CSMD1: variants seen among roughly 807,000 people sequenced by gnomAD.
CSMD1 encodes the protein CUB and Sushi multiple domains 1.
In CSMD1, 213 loss-of-function variants were observed where a neutral mutation model predicts 417.5. That is an observed-to-expected ratio of 0.51 (90% CI 0.46 to 0.57). The LOEUF (loss-of-function observed/expected upper bound fraction) is 0.57, where lower values mean the gene tolerates loss of function less well. CSMD1 is among the 20% of genes least tolerant of loss of function. The pLI, the probability that CSMD1 is intolerant of heterozygous loss-of-function variation, is 0.00. For missense variants in CSMD1, 6,923 were observed against 4,529.7 expected (o/e 1.53, Z -15.17); for synonymous variants, 2,862 against 1,736.8 (o/e 1.65, Z -16.11).
At chr8:4,178,563 G>A (rs1168008489) in intron 3 of CSMD1, among the ~76,000 whole-genome samples, 1 of 151,150 alleles carries the variant, frequency 6.6e-6, no homozygotes, top group South Asian at 2.1e-4. Context: ...TCAACATAGT[G>A]TTGGAAGTTC....
intron 3 of CSMD1, among the ~76,000 whole-genome samples, chr8:4,069,629 T>A (rs1799440993): frequency 6.6e-6 from 1 of 152,154 alleles, no homozygotes; most frequent in Admixed American, 6.5e-5. Context: ...TGTATTCCCC[T>A]CAAGCCTCTG....
At chr8:3,553,060 G>C (rs920858090) in intron 10 of CSMD1, among the ~76,000 whole-genome samples, 3 of 149,590 alleles carry the variant, frequency 2.0e-5, no homozygotes, top group Non-Finnish European at 4.4e-5. Flanking sequence ...ATATATTCAA[G>C]CAATAAAATA....
intron 10 of CSMD1, among the ~76,000 whole-genome samples, chr8:3,567,280 T>G (rs1225713107): frequency 6.6e-6 from 1 of 151,636 alleles, no homozygotes. Flanking sequence ...GGGTGCAGGG[T>G]GGGAGGAGGC....
intron 3 of CSMD1, among the ~76,000 whole-genome samples, chr8:4,303,287 A>G (rs1387843506): frequency 6.6e-6 from 1 of 152,150 alleles, no homozygotes; most frequent in Non-Finnish European, 1.5e-5. Context: ...AAAAATAATT[A>G]TTTTTACTTA....
chr8:4,809,241 T>G (rs1244232253), intron 1 of CSMD1, among the ~76,000 whole-genome samples: 2 of 152,174 alleles, frequency 1.3e-5, no homozygotes, highest in Non-Finnish European at 2.9e-5. Context: ...TTTTATGAAT[T>G]AGGAAAAAAT....
At chr8:4,295,781 TATATATAC>T (rs753416663) in intron 3 of CSMD1, among the ~76,000 whole-genome samples, 14,999 of 42,984 alleles carry the variant, frequency 0.35, 1,185 homozygotes, top group East Asian at 0.42. Context: ...TATATATATA[TATATATAC>T]ACACACACAT....
At chr8:4,291,627 T>C (rs964377988) in intron 3 of CSMD1, among the ~76,000 whole-genome samples, 1 of 152,188 alleles carries the variant, frequency 6.6e-6, no homozygotes, top group Admixed American at 6.5e-5. Flanking sequence ...TATGTTTCTT[T>C]CTTAAATTAT....
At chr8:3,155,713 C>G (rs2129037575) in intron 39 of CSMD1, among the ~76,000 whole-genome samples, 1 of 152,220 alleles carries the variant, frequency 6.6e-6, no homozygotes, top group African/African-American at 2.4e-5. Context: ...ATGTTTTTAG[C>G]TGACATGTTA....
intron 54 of CSMD1, among the ~76,000 whole-genome samples, chr8:2,988,602 C>T (rs955402952): frequency 6.6e-6 from 1 of 152,154 alleles, no homozygotes; most frequent in Admixed American, 6.5e-5. Context: ...CAAAATAAAC[C>T]TGAAGATGCT....
intron 5 of CSMD1, among the ~76,000 whole-genome samples, chr8:3,783,207 G>C (rs984452914): frequency 1.3e-5 from 2 of 152,140 alleles, no homozygotes; most frequent in Non-Finnish European, 2.9e-5. Flanking sequence ...ATTCTTTCTT[G>C]TTCCTGGATA....
intron 23 of CSMD1, among the ~76,000 whole-genome samples, chr8:3,314,424 A>G (rs1191575390): frequency 2.0e-5 from 3 of 152,172 alleles, no homozygotes; most frequent in African/African-American, 2.4e-5. Context: ...ATCCTTTTCT[A>G]TCTTGAAGCC....
In CSMD1 at chr8:3,946,785, C is replaced by G. The variant is rs538098925; in HGVS notation, c.818+51118G>C. On this transcript the variant is annotated intron_variant, in intron 5 of 69. Coordinates refer to ENST00000635120, the MANE Select transcript of CSMD1 (RefSeq NM_033225.6). Reference sequence around the variant, plus strand: ...TTTCAGCATGCAGTCTTGCATGTATCTTCTTAAATTTATTACTAAATCTGT... The same window carrying G: ...TTTCAGCATGCAGTCTTGCATGTATGTTCTTAAATTTATTACTAAATCTGT... Among the ~76,000 whole-genome samples, 32 of 152,146 alleles carry G rather than the reference C, an allele frequency of 2.1e-4. No individual in the cohort carries two copies. The South Asian group carries it at 2.9e-3, about 14-fold the overall frequency.
chr8:4,707,626 C>G (rs555373558), intron 1 of CSMD1, among the ~76,000 whole-genome samples: 2 of 152,136 alleles, frequency 1.3e-5, no homozygotes, highest in South Asian at 4.2e-4. Flanking sequence ...ATGGCTCACT[C>G]CTGTAATCCC....
intron 3 of CSMD1, among the ~76,000 whole-genome samples, chr8:4,059,395 G>A (rs572454465): frequency 1.3e-4 from 20 of 152,182 alleles, no homozygotes; most frequent in Non-Finnish European, 2.6e-4. Flanking sequence ...AGAAAAGCAA[G>A]AGCAAACACA....
chr8:4,119,013 T>C (rs1802322413), intron 3 of CSMD1, among the ~76,000 whole-genome samples: 1 of 152,152 alleles, frequency 6.6e-6, no homozygotes, highest in South Asian at 2.1e-4. Flanking sequence ...ACACCACATG[T>C]TCTCACTCAT....
At chr8:4,562,034 G>T (rs142752299) in intron 2 of CSMD1, among the ~76,000 whole-genome samples, 1 of 152,214 alleles carries the variant, frequency 6.6e-6, no homozygotes, top group African/African-American at 2.4e-5. Flanking sequence ...AAGGAAGGCC[G>T]TACATATTCA....
chr8:4,457,783 C>T (rs1328580040), intron 2 of CSMD1, among the ~76,000 whole-genome samples: 2 of 152,150 alleles, frequency 1.3e-5, no homozygotes, highest in African/African-American at 4.8e-5. Flanking sequence ...CTGCTTCTCC[C>T]AAGTCCCTCT....
At chr8:4,581,518 A>G (rs961938791) in intron 2 of CSMD1, among the ~76,000 whole-genome samples, 1 of 152,228 alleles carries the variant, frequency 6.6e-6, no homozygotes, top group African/African-American at 2.4e-5. Context: ...AGAAGCATGC[A>G]TTATTTTAAA....
At chr8:3,772,577 A>G (rs1313334654) in intron 5 of CSMD1, among the ~76,000 whole-genome samples, 1 of 138,208 alleles carries the variant, frequency 7.2e-6, no homozygotes, top group Non-Finnish European at 1.5e-5. Flanking sequence ...ATACATATAT[A>G]CACATATATT....
Sources: gnomAD v4.1 joint callset for allele counts (sites outside exome capture counted in the v4.1 genomes callset) on GRCh38, gnomAD v4.1.1 for gene constraint, MANE v1.5 for transcripts, NCBI Gene and HGNC (gene_info 2026-07-23, HGNC 2026-07-21) for gene names.